The following CMIP variants were observed in gnomAD, a reference collection of about 807,000 sequenced individuals.
CMIP encodes C-Maf-inducing protein.
A neutral mutation model predicts 97.3 loss-of-function variants in CMIP; 13 were observed. The observed-to-expected ratio is 0.13, with a 90% CI of 0.09 to 0.21. CMIP has a LOEUF of 0.21. CMIP is among the 10% of genes least tolerant of loss of function. The pLI is 1.00. For synonymous variants in CMIP, 538 were observed against 436.3 expected, an observed-to-expected ratio of 1.23 and a Z score of -2.91; for missense variants, 847 against 1,024.9, an observed-to-expected ratio of 0.83 and a Z score of 2.37.
At chr16:81,514,595 A>G (rs1378145965) in intron 1 of CMIP, among the ~76,000 whole-genome samples, 1 of 152,168 alleles carries the variant, frequency 6.6e-6, no homozygotes, top group African/African-American at 2.4e-5. Flanking sequence ...TCAGCACCGC[A>G]TGGGCACCCC....
intron 1 of CMIP, among the ~76,000 whole-genome samples, chr16:81,599,217 A>C (rs1056608845): frequency 6.6e-6 from 1 of 151,996 alleles, no homozygotes; most frequent in Non-Finnish European, 1.5e-5. Context: ...TCACAGTAAT[A>C]ATAACAACAG....
intron 1 of CMIP, among the ~76,000 whole-genome samples, chr16:81,567,724 C>T (rs543501036): frequency 3.2e-4 from 48 of 152,338 alleles, no homozygotes; most frequent in African/African-American, 1.1e-3. Flanking sequence ...TCTGCTGTGT[C>T]GTCTGCACAG....
At chr16:81,662,323 C>T (rs1340917924) in intron 6 of CMIP, among the ~76,000 whole-genome samples, 1 of 152,160 alleles carries the variant, frequency 6.6e-6, no homozygotes, top group Non-Finnish European at 1.5e-5. Flanking sequence ...CACTGTGTTT[C>T]CTACCTGAGG....
At chr16:81,664,582 G>A (rs1385435448) in intron 7 of CMIP, 8 of 580,064 alleles carry the variant, frequency 1.4e-5, no homozygotes, top group Non-Finnish European at 2.1e-5. Context: ...CAAAAATACC[G>A]CAGCTGGAGG....
chr16:81,693,600 C>T, intron 13 of CMIP, 113 bp downstream of exon 13: 1 of 1,170,982 alleles, frequency 8.5e-7, no homozygotes, highest in South Asian at 1.5e-5. Flanking sequence ...GAACAGCTTT[C>T]AGAGACCCAT....
intron 1 of CMIP, among the ~76,000 whole-genome samples, chr16:81,505,624 T>G (rs2089694591): frequency 6.6e-6 from 1 of 152,234 alleles, no homozygotes; most frequent in Non-Finnish European, 1.5e-5. Context: ...ACAGAAACTT[T>G]GGCCAAGATC....
At chr16:81,475,597 C>G (rs576876854) in intron 1 of CMIP, among the ~76,000 whole-genome samples, 2 of 152,170 alleles carry the variant, frequency 1.3e-5, no homozygotes. Flanking sequence ...CCAAAGGAAA[C>G]TGCAGTGAGA....
intron 1 of CMIP, among the ~76,000 whole-genome samples, chr16:81,465,412 G>T (rs1471642037): frequency 1.3e-5 from 2 of 152,068 alleles, no homozygotes; most frequent in African/African-American, 2.4e-5. Flanking sequence ...CCTTGATAGG[G>T]GCAGGATGCA....
chr16:81,671,654 C>T (rs2092684079), intron 8 of CMIP, among the ~76,000 whole-genome samples: 1 of 152,206 alleles, frequency 6.6e-6, no homozygotes, highest in African/African-American at 2.4e-5. Context: ...GGGCTGCTAT[C>T]CTCATTTTAT....
intron 1 of CMIP, among the ~76,000 whole-genome samples, chr16:81,492,921 A>G (rs987395444): frequency 3.3e-5 from 5 of 151,930 alleles, no homozygotes; most frequent in African/African-American, 4.8e-5. Flanking sequence ...ACACAGAGAG[A>G]AGGGAGCGGC....
intron 1 of CMIP, among the ~76,000 whole-genome samples, chr16:81,522,656 A>G (rs977802191): frequency 1.3e-5 from 2 of 152,238 alleles, no homozygotes; most frequent in Admixed American, 6.5e-5. Context: ...ACAGGAAGCA[A>G]AAGCCACAAA....
chr16:81,686,351 A>G (rs1905384890), intron 10 of CMIP, among the ~76,000 whole-genome samples: 1 of 152,172 alleles, frequency 6.6e-6, no homozygotes, highest in Non-Finnish European at 1.5e-5. Flanking sequence ...CATGCACACG[A>G]CAGGCCTCAG....
At chr16:81,518,072 G>A (rs954791714) in intron 1 of CMIP, 5 of 210,920 alleles carry the variant, frequency 2.4e-5, no homozygotes, top group Non-Finnish European at 3.3e-5. Flanking sequence ...GGTGGGTGGT[G>A]CAGCTGTTTG....
At chr16:81,491,429 C>T (rs1289303579) in intron 1 of CMIP, among the ~76,000 whole-genome samples, 1 of 152,170 alleles carries the variant, frequency 6.6e-6, no homozygotes, top group Non-Finnish European at 1.5e-5. Flanking sequence ...TTGTGAGGCT[C>T]AGGGAAGATT....
chr16:81,621,038 G>C lies in CMIP; in HGVS notation c.477+112G>C. On this transcript the variant is annotated intron_variant, in intron 3 of 20. Transcript: ENST00000537098. This position sits in a 1 kb window ranked among gnomAD's most constrained non-coding sequence, Gnocchi z 4.1. ...GTGGAGAACTCATGCCTTCCAGATG[G>C]CTCAGCTGAGGAACTTTGTTCCCCT... is the stretch of plus-strand genomic sequence containing the variant. 7.5e-7 allele frequency: 1 copy of C among 1,340,340 alleles called. No homozygotes were observed. Among genetic ancestry groups the C allele is most frequent in the Non-Finnish European group, 1.0e-6 (1 of 961,828 alleles). 83.0% of individuals were successfully genotyped at this position (1,340,340 alleles called of 1,614,324 possible).
chr16:81,619,558 AC>A (rs1256951114), intron 2 of CMIP: 1 of 152,346 alleles, frequency 6.6e-6, no homozygotes, highest in African/African-American at 2.4e-5. Flanking sequence ...GACCCCCTGA[AC>A]CGTCAGAGGC....
At chr16:81,615,432 T>C (rs2091901903) in intron 2 of CMIP, among the ~76,000 whole-genome samples, 1 of 148,234 alleles carries the variant, frequency 6.7e-6, no homozygotes, top group South Asian at 2.2e-4. Context: ...GTGGTGTGTG[T>C]ACATTTGTAA....
intron 15 of CMIP, among the ~76,000 whole-genome samples, 180 bp from the exon 16 acceptor site, chr16:81,701,480 G>A (rs1597271617): frequency 6.6e-6 from 1 of 152,304 alleles, no homozygotes; most frequent in Non-Finnish European, 1.5e-5. Flanking sequence ...GTGGTCACTG[G>A]TGCTACCATT....
intron 2 of CMIP, chr16:81,620,620 A>G: frequency 2.2e-6 from 1 of 446,118 alleles, no homozygotes; most frequent in Non-Finnish European, 4.1e-6. Context: ...CAGTGTCTGA[A>G]GTCACTCATA....
Sources: gnomAD v4.1 joint callset for allele counts (sites outside exome capture counted in the v4.1 genomes callset) on GRCh38, gnomAD v4.1.1 for gene constraint, Gnocchi (gnomAD v3.1) non-coding constraint, MANE v1.5 for transcripts, NCBI Gene and HGNC (gene_info 2026-07-23, HGNC 2026-07-21) for gene names.